ROBO1: variants seen among roughly 807,000 people sequenced by gnomAD.
ROBO1 encodes roundabout homolog 1.
Under a neutral mutation model 195.9 loss-of-function variants are expected in ROBO1, and 149 were observed. The ratio of observed to expected loss-of-function variants is 0.76; its 90% CI spans 0.67 to 0.87. The LOEUF is 0.87. Ranked by LOEUF, ROBO1 falls within the 40% of genes least tolerant of loss-of-function variation. ROBO1 has a pLI of 0.00. For missense variants in ROBO1, 1,933 were observed against 2,068.3 expected (o/e 0.93, Z 1.27); for synonymous variants, 816 against 733.2 (o/e 1.11, Z -1.82).
At chr3:79,217,006 T>G (rs548386207) in intron 2 of ROBO1, among the ~76,000 whole-genome samples, 1 of 152,188 alleles carries the variant, frequency 6.6e-6, no homozygotes, top group Admixed American at 6.6e-5. Context: ...TTTTAGCTAA[T>G]AAATTATTAA....
chr3:79,065,652 G>A (rs916584956), intron 3 of ROBO1, among the ~76,000 whole-genome samples: 1 of 151,826 alleles, frequency 6.6e-6, no homozygotes, highest in Non-Finnish European at 1.5e-5. Flanking sequence ...CTTCAATAAG[G>A]ATCATATTTA....
At chr3:78,676,080 C>T (rs1327604908) in intron 10 of ROBO1, among the ~76,000 whole-genome samples, 4 of 152,176 alleles carry the variant, frequency 2.6e-5, no homozygotes, top group Non-Finnish European at 5.9e-5. Context: ...TGGAGTGGAC[C>T]TCTAGCAAAC....
chr3:79,438,431 T>C (rs2107102819), intron 2 of ROBO1, among the ~76,000 whole-genome samples: 1 of 152,134 alleles, frequency 6.6e-6, no homozygotes. Context: ...AATATTAAGA[T>C]GTACTATTCC....
At chr3:78,926,621 C>G (rs1186823845) in intron 4 of ROBO1, among the ~76,000 whole-genome samples, 3 of 152,098 alleles carry the variant, frequency 2.0e-5, no homozygotes, top group Non-Finnish European at 1.5e-5. Context: ...CAGGTACCAC[C>G]AGGACCTCCA....
chr3:79,419,159 G>GA (rs1162304958), intron 2 of ROBO1, among the ~76,000 whole-genome samples: 1 of 152,104 alleles, frequency 6.6e-6, no homozygotes, highest in East Asian at 1.9e-4. Flanking sequence ...AGAGCAATGG[G>GA]AAAATGGTAC....
intron 1 of ROBO1, among the ~76,000 whole-genome samples, chr3:79,725,831 T>C (rs1388709546): frequency 1.3e-5 from 2 of 152,090 alleles, no homozygotes; most frequent in East Asian, 3.9e-4. Flanking sequence ...CTTCTGTTCC[T>C]ATACCAGGAC....
chr3:78,983,054 T>C (rs2077034100), intron 3 of ROBO1, among the ~76,000 whole-genome samples: 1 of 151,952 alleles, frequency 6.6e-6, no homozygotes, highest in South Asian at 2.1e-4. Context: ...ACTACAGGTG[T>C]GAACCACCAC....
At chr3:79,542,808 A>G (rs1004599119) in intron 2 of ROBO1, among the ~76,000 whole-genome samples, 6 of 151,932 alleles carry the variant, frequency 3.9e-5, no homozygotes, top group African/African-American at 1.4e-4. Flanking sequence ...CTACTTCTTT[A>G]TTTTTTAGTT....
At chr3:78,619,784 G>A (rs1180073823) in intron 26 of ROBO1, among the ~76,000 whole-genome samples, 4 of 151,954 alleles carry the variant, frequency 2.6e-5, no homozygotes, top group African/African-American at 9.7e-5. Context: ...TTGAGAGGCT[G>A]AGGTGGGTGG....
intron 2 of ROBO1, among the ~76,000 whole-genome samples, chr3:79,176,933 T>C (rs575446224): frequency 7.2e-5 from 11 of 152,318 alleles, no homozygotes; most frequent in Middle Eastern, 6.8e-3. Context: ...GTGCCAGTTA[T>C]TACCTGTCTA....
chr3:79,098,324 A>G lies in ROBO1; in HGVS notation c.172+27132T>C, dbSNP rs570230416. 1.4e-4 allele frequency among the ~76,000 whole-genome samples: 21 copies of G among 151,964 alleles called. No homozygotes were observed. The South Asian group carries it at 4.4e-3, about 32-fold the overall frequency. On this transcript the variant is annotated intron_variant, in intron 3 of 30. Coordinates refer to ENST00000464233, the MANE Select transcript of ROBO1 (RefSeq NM_002941.4). ...TCATGCAGAATTTTAATAGCTAGACAGTAGTCTTGTATTCTAGAAGGAATT... is the reference window on the plus strand; with the variant it reads ...TCATGCAGAATTTTAATAGCTAGACGGTAGTCTTGTATTCTAGAAGGAATT...
At chr3:79,087,751 T>C (rs941766881) in intron 3 of ROBO1, among the ~76,000 whole-genome samples, 1 of 151,932 alleles carries the variant, frequency 6.6e-6, no homozygotes, top group Admixed American at 6.6e-5. Context: ...AAGGAAAAAT[T>C]TAGAAAAAAA....
chr3:78,933,359 AT>A (rs1399153488), intron 4 of ROBO1, among the ~76,000 whole-genome samples: 1 of 152,114 alleles, frequency 6.6e-6, no homozygotes, highest in Non-Finnish European at 1.5e-5. Flanking sequence ...CATAAAGAGA[AT>A]TTTATGTGCT....
At chr3:79,080,697 G>T (rs1474875414) in intron 3 of ROBO1, among the ~76,000 whole-genome samples, 1 of 152,052 alleles carries the variant, frequency 6.6e-6, no homozygotes, top group Non-Finnish European at 1.5e-5. Flanking sequence ...TTTAGGAAAG[G>T]TCATGGCCGC....
chr3:79,535,744 G>T (rs2107625127), intron 2 of ROBO1, among the ~76,000 whole-genome samples: 1 of 150,786 alleles, frequency 6.6e-6, no homozygotes, highest in Non-Finnish European at 1.5e-5. Context: ...TGACATGCTA[G>T]GATGTGACGA....
At chr3:79,765,942 C>G (rs568302216) in intron 1 of ROBO1, among the ~76,000 whole-genome samples, 18 of 152,150 alleles carry the variant, frequency 1.2e-4, no homozygotes, top group Non-Finnish European at 2.1e-4. Context: ...CTCTGTAACA[C>G]ACAGCTTGAT....
At chr3:78,741,365 A>C (rs1320142508) in intron 5 of ROBO1, among the ~76,000 whole-genome samples, 14 of 152,210 alleles carry the variant, frequency 9.2e-5, no homozygotes, top group Admixed American at 9.2e-4. Context: ...TGCTGAGATA[A>C]AAATATTAAA....
At chr3:79,004,536 TAAG>T (rs2077577627) in intron 3 of ROBO1, among the ~76,000 whole-genome samples, 1 of 151,998 alleles carries the variant, frequency 6.6e-6, no homozygotes, top group Admixed American at 6.6e-5. Flanking sequence ...TAGAGAAACA[TAAG>T]AAATACATCA....
intron 4 of ROBO1, among the ~76,000 whole-genome samples, chr3:78,934,569 T>C (rs2039698525): frequency 6.6e-6 from 1 of 151,948 alleles, no homozygotes; most frequent in Admixed American, 6.6e-5. Context: ...TATTTTCACA[T>C]ACATATATTT....
Sources: gnomAD v4.1 joint callset for allele counts (sites outside exome capture counted in the v4.1 genomes callset) on GRCh38, gnomAD v4.1.1 for gene constraint, MANE v1.5 for transcripts, NCBI Gene and HGNC (gene_info 2026-07-23, HGNC 2026-07-21) for gene names.